Variants in DCC observed in about 807,000 individuals in gnomAD.
DCC encodes netrin receptor DCC.
In DCC, 58 loss-of-function variants were observed where a neutral mutation model predicts 172.5. The ratio of observed to expected loss-of-function variants is 0.34; its 90% CI spans 0.27 to 0.42. The LOEUF is 0.42. Among genes scored for constraint, DCC ranks in the 10% least tolerant of loss-of-function variants. The pLI, the probability that DCC is intolerant of heterozygous loss-of-function variation, is 1.00. For synonymous variants in DCC, 709 were observed against 644.5 expected, an observed-to-expected ratio of 1.10 and a Z score of -1.52; for missense variants, 1,740 against 1,791.0, an observed-to-expected ratio of 0.97 and a Z score of 0.51.
chr18:52,961,870 T>C (rs1032924991), intron 5 of DCC, among the ~76,000 whole-genome samples: 7 of 152,126 alleles, frequency 4.6e-5, no homozygotes, highest in African/African-American at 1.7e-4. Flanking sequence ...GGATTCCCTA[T>C]TTAATAAATG....
At chr18:52,600,802 C>T (rs151179442) in intron 1 of DCC, among the ~76,000 whole-genome samples, 1 of 152,160 alleles carries the variant, frequency 6.6e-6, no homozygotes, top group African/African-American at 2.4e-5. Flanking sequence ...CAAAATATAA[C>T]TGTGTTCATG....
chr18:53,322,855 A>T (rs1035766689), intron 14 of DCC, among the ~76,000 whole-genome samples: 1 of 151,872 alleles, frequency 6.6e-6, no homozygotes, highest in Admixed American at 6.6e-5. Context: ...ATAATAAAGC[A>T]GAAATATATA....
intron 12 of DCC, among the ~76,000 whole-genome samples, chr18:53,247,305 T>G (rs2056376782): frequency 6.6e-6 from 1 of 152,154 alleles, no homozygotes; most frequent in South Asian, 2.1e-4. Context: ...ATGACCCCCT[T>G]GAGTGTCCAG....
chr18:53,102,671 G>A (rs941222193), intron 7 of DCC, among the ~76,000 whole-genome samples: 1 of 152,020 alleles, frequency 6.6e-6, no homozygotes, highest in African/African-American at 2.4e-5. Flanking sequence ...AATGCTATGG[G>A]CATACGGGCA....
At chr18:53,514,074 C>A (rs1036150175) in intron 27 of DCC, among the ~76,000 whole-genome samples, 2 of 152,088 alleles carry the variant, frequency 1.3e-5, no homozygotes, top group African/African-American at 4.8e-5. Context: ...CTCTCCTCAG[C>A]AAATGTAAAA....
At chr18:52,662,654 G>C (rs1420355253) in intron 1 of DCC, among the ~76,000 whole-genome samples, 1 of 150,244 alleles carries the variant, frequency 6.7e-6, no homozygotes, top group Admixed American at 6.6e-5. Context: ...GAAAACAAGG[G>C]ATGGAAGGAA....
chr18:53,137,867 GTGC>G (rs2043769221), intron 7 of DCC, among the ~76,000 whole-genome samples: 1 of 151,940 alleles, frequency 6.6e-6, no homozygotes, highest in Admixed American at 6.6e-5. Flanking sequence ...CTAGGATGGA[GTGC>G]AGTGGCATGA....
intron 7 of DCC, among the ~76,000 whole-genome samples, chr18:53,092,328 T>C (rs911288248): frequency 1.2e-4 from 18 of 152,194 alleles, no homozygotes; most frequent in Non-Finnish European, 1.9e-4. Context: ...AAGTGAACTA[T>C]GTAAATATTG....
chr18:52,506,878 G>T (rs548135227), intron 1 of DCC, among the ~76,000 whole-genome samples: 5 of 152,186 alleles, frequency 3.3e-5, no homozygotes, highest in African/African-American at 7.2e-5. Context: ...AGTGACAGTT[G>T]TTACGGATAT....
At chr18:53,043,230 CAG>C (rs1401460731) in intron 5 of DCC, among the ~76,000 whole-genome samples, 1 of 151,036 alleles carries the variant, frequency 6.6e-6, no homozygotes, top group Non-Finnish European at 1.5e-5. Flanking sequence ...GAAAACCAAA[CAG>C]CGCATGTTCT....
intron 7 of DCC, among the ~76,000 whole-genome samples, chr18:53,124,093 T>C (rs2043520807): frequency 6.6e-6 from 1 of 152,040 alleles, no homozygotes; most frequent in Non-Finnish European, 1.5e-5. Context: ...TTTTCCTTCA[T>C]GAGATTGGTT....
intron 2 of DCC, among the ~76,000 whole-genome samples, chr18:52,793,055 G>A (rs1475905970): frequency 6.6e-6 from 1 of 152,198 alleles, no homozygotes; most frequent in Non-Finnish European, 1.5e-5. Flanking sequence ...CTGATAAAGA[G>A]GTGTGGTGGC....
chr18:52,382,431 C>G (rs931908369), intron 1 of DCC, among the ~76,000 whole-genome samples: 2 of 151,928 alleles, frequency 1.3e-5, no homozygotes, highest in Admixed American at 6.6e-5. Context: ...AAAATAAATG[C>G]CTTAATGAAG....
chr18:53,094,882 C>T (rs573066811), intron 7 of DCC, among the ~76,000 whole-genome samples: 1 of 152,098 alleles, frequency 6.6e-6, no homozygotes, highest in South Asian at 2.1e-4. Flanking sequence ...ATGTGCTTAA[C>T]TGGGTCTAAT....
Position 52,824,922 on chromosome 18 carries a change from A to G in DCC, c.412+72548A>G, listed in dbSNP as rs181098242. Among the ~76,000 whole-genome samples, 178 of 152,162 alleles carry G rather than the reference A, an allele frequency of 1.2e-3. 4 individuals carry two copies. In the East Asian group the frequency reaches 0.028, roughly 24 times the overall value. ...GACACAGAGGTTGCAGTGAGCCAAG[A>G]TAGCACCACTGCACCCTAGCCTGGG... On this transcript the variant is annotated intron_variant, in intron 2 of 28. Coordinates refer to ENST00000442544, the MANE Select transcript of DCC (RefSeq NM_005215.4).
chr18:53,317,932 T>G (rs1176800992), intron 13 of DCC, among the ~76,000 whole-genome samples: 5 of 152,198 alleles, frequency 3.3e-5, no homozygotes, highest in African/African-American at 1.2e-4. Context: ...AACAATCACC[T>G]CCTGGATTCA....
chr18:52,374,075 G>T (rs1555675426), intron 1 of DCC, among the ~76,000 whole-genome samples: 1 of 151,344 alleles, frequency 6.6e-6, no homozygotes, highest in South Asian at 2.1e-4. Flanking sequence ...TGTGTTTTTA[G>T]TAAAGACGGG....
intron 15 of DCC, among the ~76,000 whole-genome samples, chr18:53,343,684 A>G (rs1261493883): frequency 6.6e-6 from 1 of 151,860 alleles, no homozygotes; most frequent in Non-Finnish European, 1.5e-5. Flanking sequence ...AATGAGCTGG[A>G]TAGTATTTAC....
chr18:53,517,843 G>A (rs1456338104), intron 27 of DCC, among the ~76,000 whole-genome samples: 1 of 152,132 alleles, frequency 6.6e-6, no homozygotes, highest in Non-Finnish European at 1.5e-5. Context: ...AATGCCTTAA[G>A]ATTGTTGCAA....
Sources: allele counts gnomAD v4.1 joint callset (sites outside exome capture counted in the v4.1 genomes callset), GRCh38; gene constraint gnomAD v4.1.1; transcripts MANE v1.5; gene names NCBI Gene and HGNC (gene_info 2026-07-23, HGNC 2026-07-21).